FHIT: variants seen among roughly 807,000 people sequenced by gnomAD.
FHIT encodes bis(5'-adenosyl)-triphosphatase.
Under a neutral mutation model 17.9 loss-of-function variants are expected in FHIT, and 19 were observed. The ratio of observed to expected loss-of-function variants is 1.06; its 90% CI spans 0.74 to 1.56. The LOEUF is 1.56. FHIT is among the 40% of genes most tolerant of loss of function. The probability of loss-of-function intolerance (pLI) is 0.00; values close to 1 mark genes in which losing one functional copy is unlikely to be tolerated. For synonymous variants in FHIT, 81 were observed against 69.7 expected (o/e 1.16, Z -0.81); for missense variants, 248 against 189.2 (o/e 1.31, Z -1.82).
At chr3:60,601,194 G>T (rs782182603) in intron 4 of FHIT, among the ~76,000 whole-genome samples, 5 of 152,196 alleles carry the variant, frequency 3.3e-5, no homozygotes, top group South Asian at 2.1e-4. Flanking sequence ...GCAGGGATCA[G>T]GTCGCCCAGT....
chr3:61,209,037 G>C (rs9844774), intron 1 of FHIT, among the ~76,000 whole-genome samples: 66,028 of 151,610 alleles, frequency 0.44, 14,982 homozygotes, highest in East Asian at 0.58. Flanking sequence ...CTCAGCATTT[G>C]CTTGTCTGTA....
intron 3 of FHIT, among the ~76,000 whole-genome samples, chr3:60,839,366 C>G (rs926777497): frequency 1.2e-4 from 19 of 152,084 alleles, no homozygotes; most frequent in Non-Finnish European, 2.4e-4. Context: ...ATTTTACACA[C>G]ACTCCATCCT....
chr3:61,213,513 T>C (rs2039560358), intron 1 of FHIT, among the ~76,000 whole-genome samples: 1 of 152,188 alleles, frequency 6.6e-6, no homozygotes, highest in Non-Finnish European at 1.5e-5. Context: ...AAGCAAGTCC[T>C]GAGTGACCTA....
At chr3:60,510,602 G>GGA (rs2034913136) in intron 5 of FHIT, among the ~76,000 whole-genome samples, 1 of 146,228 alleles carries the variant, frequency 6.8e-6, no homozygotes, top group African/African-American at 2.5e-5. Context: ...AGATCTCATG[G>GGA]GAGACGATAA....
intron 8 of FHIT, among the ~76,000 whole-genome samples, chr3:59,757,071 A>G (rs1701256560): frequency 6.6e-6 from 1 of 152,154 alleles, no homozygotes; most frequent in Non-Finnish European, 1.5e-5. Flanking sequence ...CACGTAAGTT[A>G]AATGTGACTC....
intron 5 of FHIT, among the ~76,000 whole-genome samples, chr3:60,115,607 G>C (rs928795446): frequency 9.9e-5 from 15 of 152,042 alleles, no homozygotes; most frequent in Admixed American, 9.2e-4. Context: ...AATGATCAGA[G>C]ACCCACACAA....
chr3:60,493,756 G>T (rs1407886249), intron 5 of FHIT, among the ~76,000 whole-genome samples: 1 of 152,178 alleles, frequency 6.6e-6, no homozygotes, highest in East Asian at 1.9e-4. Flanking sequence ...CGAGAGATAC[G>T]ACTGTGTCTA....
At chr3:60,152,579 G>C (rs190873724) in intron 5 of FHIT, among the ~76,000 whole-genome samples, 3 of 152,152 alleles carry the variant, frequency 2.0e-5, no homozygotes, top group African/African-American at 7.2e-5. Flanking sequence ...GTCAAGGGGA[G>C]ATTCAAGAAG....
At chr3:60,061,407 CTGTT>C (rs1295475231) in intron 5 of FHIT, among the ~76,000 whole-genome samples, 1 of 152,202 alleles carries the variant, frequency 6.6e-6, no homozygotes, top group Non-Finnish European at 1.5e-5. Flanking sequence ...GCTGAAGAGT[CTGTT>C]TGTAGAGATG....
At chr3:60,270,525 G>A (rs1198412703) in intron 5 of FHIT, among the ~76,000 whole-genome samples, 7 of 152,164 alleles carry the variant, frequency 4.6e-5, no homozygotes, top group African/African-American at 1.7e-4. Context: ...AGATGTTCAA[G>A]TATAAAAGCA....
At chr3:60,787,018 C>T (rs1489847502) in intron 4 of FHIT, among the ~76,000 whole-genome samples, 83 of 132,342 alleles carry the variant, frequency 6.3e-4, no homozygotes, top group African/African-American at 2.4e-3. Context: ...AAAAAAAAAA[C>T]AAAACAGAAG....
intron 3 of FHIT, among the ~76,000 whole-genome samples, chr3:60,860,631 T>C (rs1188643924): frequency 1.0e-5 from 1 of 98,704 alleles, no homozygotes; most frequent in Non-Finnish European, 2.1e-5. Context: ...ATATATCAGG[T>C]ATATATGATA....
At chr3:59,930,220 G>A (rs1269268141) in intron 7 of FHIT, among the ~76,000 whole-genome samples, 1 of 152,154 alleles carries the variant, frequency 6.6e-6, no homozygotes, top group Non-Finnish European at 1.5e-5. Context: ...CCTGGAGAGT[G>A]AGAAAAGCCA....
chr3:60,962,960 G>T (rs373888198), intron 3 of FHIT, among the ~76,000 whole-genome samples: 5 of 152,218 alleles, frequency 3.3e-5, no homozygotes, highest in East Asian at 3.8e-4. Context: ...AGTTAGGGAG[G>T]ATTTCCTCTT....
intron 3 of FHIT, among the ~76,000 whole-genome samples, chr3:60,824,207 T>C (rs782264202): frequency 1.3e-5 from 2 of 152,190 alleles, no homozygotes; most frequent in African/African-American, 4.8e-5. Context: ...GCAGTTATCC[T>C]GGTGAATAAA....
intron 3 of FHIT, among the ~76,000 whole-genome samples, chr3:60,861,942 C>CAAA (rs36022063): frequency 0.025 from 2,009 of 80,032 alleles, 73 homozygotes; most frequent in African/African-American, 0.08. Flanking sequence ...GACTCGGTCT[C>CAAA]AAAAAAAAAA....
chr3:60,540,510 A>G lies in FHIT; in HGVS notation c.-17-3531T>C, dbSNP rs532389739. ...GCTATCTCCAGGTACGTAACATCCA[A>G]ATTCTTCTGAAATGAATCAAAGGAC... On this transcript the variant is annotated intron_variant, in intron 4 of 9. Coordinates refer to ENST00000492590, the MANE Select transcript of FHIT (RefSeq NM_002012.4). 3.4e-4 allele frequency among the ~76,000 whole-genome samples: 51 copies of G among 152,230 alleles called. 2 individuals carry two copies. Among genetic ancestry groups the G allele is most frequent in the Admixed American group, 3.1e-3 (47 of 15,298 alleles).
At chr3:61,239,634 T>A (rs1245497508) in intron 1 of FHIT, among the ~76,000 whole-genome samples, 1 of 151,834 alleles carries the variant, frequency 6.6e-6, no homozygotes, top group Non-Finnish European at 1.5e-5. Context: ...TCCCCTTCAC[T>A]AGACTCCATG....
intron 5 of FHIT, among the ~76,000 whole-genome samples, chr3:60,516,579 T>C (rs1292063337): frequency 6.6e-6 from 1 of 152,216 alleles, no homozygotes; most frequent in Non-Finnish European, 1.5e-5. Flanking sequence ...CTGTTTGGTC[T>C]AGATCGATTT....
Sources: allele counts gnomAD v4.1 joint callset (sites outside exome capture counted in the v4.1 genomes callset), GRCh38; gene constraint gnomAD v4.1.1; transcripts MANE v1.5; gene names NCBI Gene and HGNC (gene_info 2026-07-23, HGNC 2026-07-21).